Variants in RASA3 observed in about 807,000 individuals in gnomAD.
RASA3 encodes RAS p21 protein activator 3.
Under a neutral mutation model 110.0 loss-of-function variants are expected in RASA3, and 73 were observed. The observed-to-expected ratio is 0.66, with a 90% CI of 0.55 to 0.81. RASA3 has a LOEUF of 0.81. RASA3 is among the 30% of genes least tolerant of loss of function. The pLI is 0.00. For synonymous variants in RASA3, 500 were observed against 451.4 expected, an observed-to-expected ratio of 1.11 and a Z score of -1.37; for missense variants, 976 against 1,113.2, an observed-to-expected ratio of 0.88 and a Z score of 1.75.
At chr13:113,979,487 G>A (rs1463971413) in intron 23 of RASA3, 65 bp from the exon 24 acceptor site, 19 of 1,329,534 alleles carry the variant, frequency 1.4e-5, no homozygotes, top group Non-Finnish European at 1.7e-5. Flanking sequence ...ACCCGTGGCT[G>A]CGGGAGCTTT....
intron 18 of RASA3, among the ~76,000 whole-genome samples, chr13:114,001,786 G>A (rs945783845): frequency 1.1e-4 from 17 of 152,048 alleles, no homozygotes; most frequent in African/African-American, 1.9e-4. Context: ...GCTTGGGGCC[G>A]GGGCAGGCAG....
chr13:114,037,201 G>C (rs1375814204), intron 4 of RASA3, among the ~76,000 whole-genome samples: 1 of 152,176 alleles, frequency 6.6e-6, no homozygotes, highest in African/African-American at 2.4e-5. Context: ...TTGTGGAGAT[G>C]CAACGTCTGA....
rs373414470 is a variant in RASA3 at position 114,000,865 on chromosome 13, G to A, written c.1810C>T (p.Arg604Cys). 50 of 1,613,824 alleles carry A rather than the reference G, an allele frequency of 3.1e-5. No individual in the cohort carries two copies. Among genetic ancestry groups the A allele is most frequent in the East Asian group, 6.7e-5 (3 of 44,872 alleles). ...TAGGTAAATTCATGGTTGGTCAAGC[G>A]AAACCATCTCTTCTTAAAATTCTTC... is the stretch of plus-strand genomic sequence containing the variant. ...GMKNFKKRWF[R>C]LTNHEFTYHK... Residue 604 changes from arginine to cysteine, a missense_variant, in exon 19 of 24, where the codon CGC becomes TGC. Transcript: ENST00000334062.
At chr13:114,098,766 G>A (rs552842433) in intron 1 of RASA3, among the ~76,000 whole-genome samples, 1 of 152,222 alleles carries the variant, frequency 6.6e-6, no homozygotes, top group South Asian at 2.1e-4. Context: ...AGGCACAAGG[G>A]CGGGAGAAAG....
At position 114,115,927 on chromosome 13, in the gene RASA3, G is replaced by A. The variant is rs186456815; in HGVS notation, c.55+16508C>T. Among the ~76,000 whole-genome samples, 66 of 152,370 alleles carry A rather than the reference G, an allele frequency of 4.3e-4. No individual in the cohort carries two copies. In the East Asian group the frequency reaches 9.6e-3, roughly 22 times the overall value. On this transcript the variant is annotated intron_variant, in intron 1 of 23. Coordinates refer to ENST00000334062, the MANE Select transcript of RASA3 (RefSeq NM_007368.4). This position sits in a 1 kb window ranked among gnomAD's most constrained non-coding sequence, Gnocchi z 5.0. Reference sequence around the variant, plus strand: ...CTTAAAGAAGAAACCCAAACGCTCTGTGAATGGGACATGTGCTCAGAGGCG... The same window carrying A: ...CTTAAAGAAGAAACCCAAACGCTCTATGAATGGGACATGTGCTCAGAGGCG...
chr13:114,072,643 T>C (rs921660969), intron 2 of RASA3, among the ~76,000 whole-genome samples: 1 of 152,182 alleles, frequency 6.6e-6, no homozygotes, highest in African/African-American at 2.4e-5. Context: ...CTACATGCAC[T>C]TCCTGGACAG....
In RASA3 at chr13:114,056,404, T is replaced by C. The variant is rs1325979321; in HGVS notation, c.174-4249A>G. 1.0e-6 allele frequency: 1 copy of C among 963,196 alleles called. No individual in the cohort carries two copies. The highest frequency in any genetic ancestry group is 1.2e-6 in the Non-Finnish European group (1 of 809,872). The allele number at this position is 963,196 out of a possible 1,614,324, so 59.7% of individuals were successfully genotyped here. A position where few individuals can be genotyped will look rare whatever the true frequency, so the allele number is the denominator to read the frequency against. On this transcript the variant is annotated intron_variant, in intron 2 of 23. Transcript: ENST00000334062. This position sits in a 1 kb window ranked among gnomAD's most constrained non-coding sequence, Gnocchi z 5.7. ...CCTGCACACTTCCTCACCACCCTGA[T>C]GCACAGGGTGGGAAACCGAGGCACT...
intron 23 of RASA3, among the ~76,000 whole-genome samples, chr13:113,980,967 A>G (rs554688346): frequency 5.1e-4 from 77 of 152,276 alleles, no homozygotes; most frequent in Non-Finnish European, 8.8e-4. Flanking sequence ...ACAGCTACAC[A>G]GGGCTCTAGG....
chr13:114,123,518 G>A (rs1241596707), intron 1 of RASA3, among the ~76,000 whole-genome samples: 1 of 152,234 alleles, frequency 6.6e-6, no homozygotes, highest in African/African-American at 2.4e-5. Context: ...GCCAGCCTGG[G>A]TCTATCGCGC....
intron 3 of RASA3, 55 bp downstream of exon 3, chr13:114,051,997 T>C: frequency 7.2e-7 from 1 of 1,385,872 alleles, no homozygotes; most frequent in African/African-American, 1.4e-5. Context: ...ATGCTAATAC[T>C]CGCCTGGTAC....
At position 114,027,913 on chromosome 13, in the gene RASA3, T is replaced by C. The variant is rs763715625; in HGVS notation, c.464A>G (p.Gln155Arg). 1 of 1,613,586 alleles carries C rather than the reference T, an allele frequency of 6.2e-7. No individual in the cohort carries two copies. Among genetic ancestry groups the C allele is most frequent in the South Asian group, 1.1e-5 (1 of 91,066 alleles). ...TTGCCCATTCACGATGGGGAGGCCC[T>C]GGCACTCGACGATGCTGAGGAGAGA... ...HKLATRIVEC[Q>R]GLPIVNGQCD... The change falls in exon 6 of 24, where the codon CAG (glutamine) becomes CGG (arginine). Residue 155 changes from glutamine (Q) to arginine (R), a missense_variant. Physicochemically the swap from Gln to Arg is conservative, Grantham distance 43. This residue lies in a region of RASA3 where 732 missense variants were observed against 779.7 expected (regional missense o/e 0.94). Transcript: ENST00000334062.
chr13:114,098,812 G>T (rs188626275), intron 1 of RASA3, among the ~76,000 whole-genome samples: 95 of 152,280 alleles, frequency 6.2e-4, no homozygotes, highest in African/African-American at 2.1e-3. Context: ...AGAAATAAAA[G>T]CTCTGAAATT....
At position 113,998,479 on chromosome 13, in the gene RASA3, C is replaced by T. The variant is rs1224423012; in HGVS notation, c.1932+1106G>A. On this transcript the variant is annotated intron_variant, in intron 20 of 23. Coordinates refer to ENST00000334062, the MANE Select transcript of RASA3 (RefSeq NM_007368.4). ...GCCTTCCCTGCAACTGTTCTATGAC[C>T]CTCATGCTGCAGTCGGGGCACAGAA... Among the ~76,000 whole-genome samples the T allele has an allele frequency of 3.9e-5, 6 of 152,244 alleles. No homozygotes were observed. The South Asian group carries it at 1.0e-3, about 26-fold the overall frequency.
At chr13:114,009,290 C>A in intron 17 of RASA3, 97 bp downstream of exon 17, 1 of 1,009,072 alleles carries the variant, frequency 9.9e-7, no homozygotes, top group Non-Finnish European at 1.5e-6. Flanking sequence ...TCGCTAATGG[C>A]CAAGTCTGTG....
In RASA3 at chr13:114,015,096, G is replaced by A. The variant is rs866822456; in HGVS notation, c.1405+113C>T. Reference sequence around the variant, plus strand: ...ATCCAGCATCGGAACTGGGGTTCACGACCCCGCAGTTCTAGTCTAGCCAGG... The same window carrying A: ...ATCCAGCATCGGAACTGGGGTTCACAACCCCGCAGTTCTAGTCTAGCCAGG... On this transcript the variant is annotated intron_variant, in intron 14 of 23. Coordinates refer to ENST00000334062, the MANE Select transcript of RASA3 (RefSeq NM_007368.4). 55 of 1,401,552 alleles carry A rather than the reference G, an allele frequency of 3.9e-5. No homozygotes were observed. The Middle Eastern group carries it at 1.0e-3, about 26-fold the overall frequency. 86.8% of individuals were successfully genotyped at this position (1,401,552 alleles called of 1,614,324 possible).
chr13:114,000,073 GCCA>G, intron 19 of RASA3, among the ~76,000 whole-genome samples: 1 of 107,992 alleles, frequency 9.3e-6, no homozygotes, highest in Non-Finnish European at 1.9e-5. Context: ...GGGGGTCTCT[GCCA>G]GGAGGGTCTC....
At chr13:114,120,986 A>G (rs1354769587) in intron 1 of RASA3, among the ~76,000 whole-genome samples, 1 of 152,250 alleles carries the variant, frequency 6.6e-6, no homozygotes, top group East Asian at 1.9e-4. Context: ...GCTCTGGAAC[A>G]GTCCAAAGAC....
At chr13:114,080,623 G>C (rs1407965786) in intron 1 of RASA3, among the ~76,000 whole-genome samples, 1 of 109,282 alleles carries the variant, frequency 9.2e-6, no homozygotes, top group African/African-American at 3.6e-5. Context: ...AGGGGTCCTA[G>C]AAGGCGCCCA....
chr13:114,065,769 C>T lies in RASA3; in HGVS notation c.173+7951G>A, dbSNP rs2079437467. 6.6e-6 allele frequency among the ~76,000 whole-genome samples: 1 copy of T among 152,126 alleles called. No individual in the cohort carries two copies. Among genetic ancestry groups the T allele is most frequent in the African/African-American group, 2.4e-5 (1 of 41,426 alleles). On this transcript the variant is annotated intron_variant, in intron 2 of 23. Transcript: ENST00000334062. This position sits in a 1 kb window ranked among gnomAD's most constrained non-coding sequence, Gnocchi z 4.1. ...AGGGCAGGGGTCCGTGGTCAGCTCA[C>T]AGCCCACTCACCACCCAGCACGGCA...
Sources: allele counts gnomAD v4.1 joint callset (sites outside exome capture counted in the v4.1 genomes callset), GRCh38; gene constraint gnomAD v4.1.1; regional missense constraint gnomAD v4.1.1; non-coding constraint Gnocchi (gnomAD v3.1); transcripts MANE v1.5; gene names NCBI Gene and HGNC (gene_info 2026-07-23, HGNC 2026-07-21).